PIEZO2: variants seen among roughly 807,000 people sequenced by gnomAD.
PIEZO2 encodes piezo-type mechanosensitive ion channel component 2.
Under a neutral mutation model 337.3 loss-of-function variants are expected in PIEZO2, and 172 were observed. The observed-to-expected ratio is 0.51, with a 90% CI of 0.45 to 0.58. The LOEUF (loss-of-function observed/expected upper bound fraction) is 0.58. Among genes scored for constraint, PIEZO2 ranks in the 20% least tolerant of loss-of-function variants. PIEZO2 has a pLI of 0.00. For synonymous variants in PIEZO2, 1,251 were observed against 1,228.5 expected (o/e 1.02, Z -0.38); for missense variants, 3,028 against 3,391.3 (o/e 0.89, Z 2.66).
In PIEZO2 at chr18:10,854,338, A is replaced by AT. The variant is rs1398467765; in HGVS notation, c.917+1014dup. On this transcript the variant is annotated intron_variant, in intron 7 of 55. Transcript: ENST00000674853. This position sits in a 1 kb window ranked among gnomAD's most constrained non-coding sequence, Gnocchi z 4.6. ...TTGATCACACCTTTGGAAAGATGTT[A>AT]TTTTTTTTCTTTGCAATTAGCAAGC... 6.6e-6 allele frequency among the ~76,000 whole-genome samples: 1 copy of AT among 152,050 alleles called. No individual in the cohort carries two copies. Among genetic ancestry groups the AT allele is most frequent in the Non-Finnish European group, 1.5e-5 (1 of 67,980 alleles).
At chr18:10,791,099 C>T in intron 14 of PIEZO2, 102 bp downstream of exon 14, 1 of 1,236,470 alleles carries the variant, frequency 8.1e-7, no homozygotes, top group African/African-American at 1.5e-5. Context: ...AGTTTACATT[C>T]CAGTTTCATT....
At position 11,121,870 on chromosome 18, in the gene PIEZO2, A is replaced by G. The variant is rs531246879; in HGVS notation, c.64+26655T>C. 5.3e-5 allele frequency among the ~76,000 whole-genome samples: 8 copies of G among 152,346 alleles called. No homozygotes were observed. The East Asian group carries it at 1.3e-3, about 26-fold the overall frequency. On this transcript the variant is annotated intron_variant, in intron 1 of 55. Transcript: ENST00000674853. ...ATAAGTTCTCCTTGTTCTCTGCTCA[A>G]TTAACAAGTTCAATTCTCATGTGAA... is the stretch of plus-strand genomic sequence containing the variant.
At position 10,863,959 on chromosome 18, in the gene PIEZO2, G is replaced by A. The variant is rs1380136891; in HGVS notation, c.493-6748C>T. ...CTGAACCACCTATTTTCTCTTGTAG[G>A]AACCAGCTAAGTGTAGCTGTTCTAA... is the stretch of plus-strand genomic sequence containing the variant. On this transcript the variant is annotated intron_variant, in intron 5 of 55. Transcript: ENST00000674853. This position sits in a 1 kb window ranked among gnomAD's most constrained non-coding sequence, Gnocchi z 4.3. Among the ~76,000 whole-genome samples, 1 of 152,000 alleles carries A rather than the reference G, an allele frequency of 6.6e-6. No individual in the cohort carries two copies. Among genetic ancestry groups the A allele is most frequent in the Non-Finnish European group, 1.5e-5 (1 of 68,000 alleles).
At position 11,131,872 on chromosome 18, in the gene PIEZO2, C is replaced by T. The variant is rs1049051370; in HGVS notation, c.64+16653G>A. Among the ~76,000 whole-genome samples the T allele has an allele frequency of 2.0e-5, 3 of 152,178 alleles. No homozygotes were observed. The highest frequency in any genetic ancestry group is 4.4e-5 in the Non-Finnish European group (3 of 68,036). On this transcript the variant is annotated intron_variant, in intron 1 of 55. Transcript: ENST00000674853. The surrounding 1 kb of genome is among the most constrained non-coding windows in gnomAD (Gnocchi z 5.3). ...AGGATGACCTGTTGTGTGGACACCACTCAGCCTCTTTCCCCAGCCACCCAA... is the reference window on the plus strand; with the variant it reads ...AGGATGACCTGTTGTGTGGACACCATTCAGCCTCTTTCCCCAGCCACCCAA...
At position 10,894,312 on chromosome 18, in the gene PIEZO2, G is replaced by A. The variant is rs886205660; in HGVS notation, c.329+16874C>T. Among the ~76,000 whole-genome samples the A allele has an allele frequency of 1.2e-4, 19 of 152,204 alleles. No homozygotes were observed. Among genetic ancestry groups the A allele is most frequent in the Admixed American group, 1.0e-3 (16 of 15,278 alleles). On this transcript the variant is annotated intron_variant, in intron 4 of 55. Coordinates refer to ENST00000674853, the MANE Select transcript of PIEZO2 (RefSeq NM_001378183.1). This position sits in a 1 kb window ranked among gnomAD's most constrained non-coding sequence, Gnocchi z 4.1. ...ACTAAAAATACAAAAAAAACAGCCA[G>A]GCGTGGTGGTGGACGCCTGTAATCC...
chr18:11,145,189 G>T (rs868056003), intron 1 of PIEZO2, among the ~76,000 whole-genome samples: 1 of 152,076 alleles, frequency 6.6e-6, no homozygotes, highest in African/African-American at 2.4e-5. Context: ...AAAGTTTTTG[G>T]TGGCTATGAC....
intron 2 of PIEZO2, among the ~76,000 whole-genome samples, chr18:10,981,687 A>T (rs8098815): frequency 0.021 from 3,209 of 152,266 alleles, 123 homozygotes; most frequent in African/African-American, 0.072. Flanking sequence ...TTAACATTTG[A>T]GTCAGTGACT....
At position 10,789,066 on chromosome 18, in the gene PIEZO2, A is replaced by T. The variant is rs976679746; in HGVS notation, c.2169+13T>A. 6.5e-7 allele frequency: 1 copy of T among 1,532,810 alleles called. No individual in the cohort carries two copies. The highest frequency in any genetic ancestry group is 2.4e-5 in the East Asian group (1 of 40,880). The allele number at this position is 1,532,810 out of a possible 1,614,324, so 95.0% of individuals were successfully genotyped here. ...AGAGATGTGAGAATTAAAATGGTCAACTGTGTACCTACCTGGTATAGGGCC... is the reference window on the plus strand; with the variant it reads ...AGAGATGTGAGAATTAAAATGGTCATCTGTGTACCTACCTGGTATAGGGCC... On this transcript the variant is annotated intron_variant, in intron 15 of 55. Transcript: ENST00000674853.
chr18:10,735,719 C>T (rs2036969445), intron 34 of PIEZO2, among the ~76,000 whole-genome samples: 1 of 152,058 alleles, frequency 6.6e-6, no homozygotes, highest in South Asian at 2.1e-4. Context: ...AGCATCAGAC[C>T]AAGGTGTCTC....
chr18:10,710,146 C>T (rs2035759391), intron 39 of PIEZO2, among the ~76,000 whole-genome samples: 1 of 152,214 alleles, frequency 6.6e-6, no homozygotes, highest in African/African-American at 2.4e-5. Context: ...TGCAGCTTTG[C>T]TCAGGTTTTC....
chr18:10,757,221 T>G (rs2143817436), intron 27 of PIEZO2, among the ~76,000 whole-genome samples: 12 of 117,644 alleles, frequency 1.0e-4, no homozygotes, highest in South Asian at 2.8e-4. Flanking sequence ...AGGATGAGGA[T>G]GAGAGGGAGG....
At position 11,083,586 on chromosome 18, in the gene PIEZO2, A is replaced by G. The variant is rs932647513; in HGVS notation, c.65-17364T>C. Among the ~76,000 whole-genome samples the G allele has an allele frequency of 4.0e-5, 6 of 148,360 alleles. No individual in the cohort carries two copies. Among genetic ancestry groups the G allele is most frequent in the Admixed American group, 6.7e-5 (1 of 14,862 alleles). On this transcript the variant is annotated intron_variant, in intron 1 of 55. Coordinates refer to ENST00000674853, the MANE Select transcript of PIEZO2 (RefSeq NM_001378183.1). The surrounding 1 kb of genome is among the most constrained non-coding windows in gnomAD (Gnocchi z 4.4). ...GGTGTGGGCTCTTCCTGTGGCATGC[A>G]GAACTTCCAAAGTTACTTATGAAAG...
In PIEZO2 at chr18:10,781,653, T is replaced by C. The variant is rs144786887; in HGVS notation, c.2493-1287A>G. Among the ~76,000 whole-genome samples the C allele has an allele frequency of 0.013, 1,949 of 152,308 alleles. 26 individuals are homozygous for C. The highest frequency in any genetic ancestry group is 0.044 in the African/African-American group (1,824 of 41,562). On this transcript the variant is annotated intron_variant, in intron 17 of 55. Coordinates refer to ENST00000674853, the MANE Select transcript of PIEZO2 (RefSeq NM_001378183.1). This position sits in a 1 kb window ranked among gnomAD's most constrained non-coding sequence, Gnocchi z 4.1. ...GGAATAATAATTTCTTCCTATATTA[T>C]TACATTTTCATAAGGCTAACTTTGT...
At chr18:10,704,216 G>T in intron 42 of PIEZO2, 178 bp downstream of exon 42, 1 of 843,970 alleles carries the variant, frequency 1.2e-6, no homozygotes, top group Non-Finnish European at 1.8e-6. Flanking sequence ...GCGAGTGCTA[G>T]GTAACTGTTG....
rs966949023 is a variant in PIEZO2 at position 11,021,464 on chromosome 18, T to G, written c.161-41804A>C. Among the ~76,000 whole-genome samples, 13 of 152,318 alleles carry G rather than the reference T, an allele frequency of 8.5e-5. No homozygotes were observed. Among genetic ancestry groups the G allele is most frequent in the Non-Finnish European group, 1.6e-4 (11 of 68,024 alleles). On this transcript the variant is annotated intron_variant, in intron 2 of 55. Coordinates refer to ENST00000674853, the MANE Select transcript of PIEZO2 (RefSeq NM_001378183.1). This position sits in a 1 kb window ranked among gnomAD's most constrained non-coding sequence, Gnocchi z 4.7. ...CCTCCTCCCCACTGCAAGGGCTCCA[T>G]GAATGCTTTCTTGGTGGTAAGGATG...
At position 10,820,956 on chromosome 18, in the gene PIEZO2, G is replaced by A. The variant is rs113886806; in HGVS notation, c.918-13682C>T. 3.4e-4 allele frequency among the ~76,000 whole-genome samples: 52 copies of A among 152,266 alleles called. 2 individuals carry two copies. Among genetic ancestry groups the A allele is most frequent in the African/African-American group, 1.2e-3 (50 of 41,546 alleles). ...AGCTCTGGCAGTTACTAACTTTACAGTTCCTCAATTTTTGTTCTTTCCCCG... is the reference window on the plus strand; with the variant it reads ...AGCTCTGGCAGTTACTAACTTTACAATTCCTCAATTTTTGTTCTTTCCCCG... On this transcript the variant is annotated intron_variant, in intron 7 of 55. Coordinates refer to ENST00000674853, the MANE Select transcript of PIEZO2 (RefSeq NM_001378183.1).
At chr18:11,138,421 G>A (rs945958125) in intron 1 of PIEZO2, among the ~76,000 whole-genome samples, 3 of 152,116 alleles carry the variant, frequency 2.0e-5, no homozygotes, top group East Asian at 1.9e-4. Context: ...TCAGCCTCCC[G>A]AGTAGCTGGG....
At chr18:10,883,343 A>G (rs1167378089) in intron 4 of PIEZO2, among the ~76,000 whole-genome samples, 2 of 152,176 alleles carry the variant, frequency 1.3e-5, no homozygotes, top group Non-Finnish European at 2.9e-5. Flanking sequence ...GGAAGTCCAT[A>G]CTGTTCTCCA....
chr18:10,843,411 G>A (rs137970493), intron 7 of PIEZO2, among the ~76,000 whole-genome samples: 22 of 151,670 alleles, frequency 1.5e-4, no homozygotes, highest in African/African-American at 4.8e-4. Flanking sequence ...CATTTTATAC[G>A]CTGTTCTCTT....
Sources: allele counts gnomAD v4.1 joint callset (sites outside exome capture counted in the v4.1 genomes callset), GRCh38; gene constraint gnomAD v4.1.1; non-coding constraint Gnocchi (gnomAD v3.1); transcripts MANE v1.5; gene names NCBI Gene and HGNC (gene_info 2026-07-23, HGNC 2026-07-21).